CNTNAP3: variants seen among roughly 807,000 people sequenced by gnomAD.
CNTNAP3 encodes the protein contactin-associated protein-like 3.
Under a neutral mutation model 92.1 loss-of-function variants are expected in CNTNAP3, and 36 were observed. That is an observed-to-expected ratio of 0.39 (90% CI 0.30 to 0.52). The LOEUF (loss-of-function observed/expected upper bound fraction) is 0.52, where lower values mean the gene tolerates loss of function less well. CNTNAP3 is among the 20% of genes least tolerant of loss of function. The pLI, the probability that CNTNAP3 is intolerant of heterozygous loss-of-function variation, is 0.76. For synonymous variants in CNTNAP3, 232 were observed against 422.3 expected (o/e 0.55, Z 5.53); for missense variants, 534 against 1,069.6 (o/e 0.50, Z 6.98).
Position 39,069,418 on chromosome 9 carries a change from T to C in CNTNAP3, c.*4472A>G, listed in dbSNP as rs1278237767. Reference sequence around the variant, plus strand: ...TAAATTTTTAGGTACCATCACAAGCTAGCTAAGTTAGAAATTTTCATATCG... The same window carrying C: ...TAAATTTTTAGGTACCATCACAAGCCAGCTAAGTTAGAAATTTTCATATCG... On this transcript the variant is annotated 3_prime_UTR_variant, in exon 24 of 24. Coordinates refer to ENST00000297668, the MANE Select transcript of CNTNAP3 (RefSeq NM_033655.5). 1.3e-5 allele frequency among the ~76,000 whole-genome samples: 2 copies of C among 152,312 alleles called. No individual in the cohort carries two copies. The highest frequency in any genetic ancestry group is 2.4e-5 in the African/African-American group (1 of 41,488).
intron 13 of CNTNAP3, among the ~76,000 whole-genome samples, chr9:39,121,628 A>G (rs1344246948): frequency 6.6e-6 from 1 of 152,150 alleles, no homozygotes; most frequent in Non-Finnish European, 1.5e-5. Context: ...GTAACTGACT[A>G]ATTGATGGAT....
At chr9:39,076,984 C>T (rs1442008585) in intron 23 of CNTNAP3, among the ~76,000 whole-genome samples, 1 of 152,302 alleles carries the variant, frequency 6.6e-6, no homozygotes, top group Non-Finnish European at 1.5e-5. Flanking sequence ...ATAATTCACT[C>T]ATTAATTAAC....
At chr9:39,081,765 C>A (rs925341023) in intron 21 of CNTNAP3, among the ~76,000 whole-genome samples, 3 of 151,798 alleles carry the variant, frequency 2.0e-5, no homozygotes, top group Non-Finnish European at 4.4e-5. Flanking sequence ...ACGGTAGACA[C>A]TAGCCACATG....
chr9:39,134,615 C>T (rs1328108433), intron 12 of CNTNAP3, among the ~76,000 whole-genome samples: 20 of 152,036 alleles, frequency 1.3e-4, no homozygotes, highest in East Asian at 1.2e-3. Context: ...TTAGTAGAGA[C>T]GGGGGTTTCA....
rs1825561864 is a variant in CNTNAP3, at chr9:39,068,502, T to C, written c.*5388A>G. Among the ~76,000 whole-genome samples the C allele has an allele frequency of 6.6e-6, 1 of 152,306 alleles. No homozygotes were observed. The highest frequency in any genetic ancestry group is 1.5e-5 in the Non-Finnish European group (1 of 68,052). ...AGAAAAGATGTTTAAAAAGATTCCT[T>C]GAGGTCAATAATAATTTTTTAAAGG... On this transcript the variant is annotated 3_prime_UTR_variant, in exon 24 of 24. Transcript: ENST00000297668.
chr9:39,085,775 A>G lies in CNTNAP3; in HGVS notation c.3403T>C (p.Phe1135Leu), dbSNP rs749820526. The change falls in exon 21 of 24, where the codon TTC (phenylalanine) becomes CTC (leucine). Residue 1135 changes from phenylalanine (F) to leucine (L), a missense_variant. Coordinates refer to ENST00000297668, the MANE Select transcript of CNTNAP3 (RefSeq NM_033655.5). Reference sequence around the variant, plus strand: ...AATATGAGAGATTTGACGGCGTTGAATTCTGTCCCTGAGGACAAGATGACT... The same window carrying G: ...AATATGAGAGATTTGACGGCGTTGAGTTCTGTCCCTGAGGACAAGATGACT... ...KQVILSSGTE[F>L]NAVKSLILGK... is the part of the protein sequence containing the mutation. 1.5e-5 allele frequency: 23 copies of G among 1,570,212 alleles called. No individual in the cohort carries two copies. In the South Asian group the frequency reaches 2.6e-4, roughly 18 times the overall value.
intron 13 of CNTNAP3, among the ~76,000 whole-genome samples, chr9:39,129,268 T>C (rs1016163678): frequency 3.3e-5 from 5 of 152,220 alleles, no homozygotes; most frequent in African/African-American, 1.2e-4. Flanking sequence ...CAGTGTGATA[T>C]TGGTGGAGGC....
At chr9:39,120,539 G>A (rs1346668498) in intron 13 of CNTNAP3, among the ~76,000 whole-genome samples, 2 of 151,952 alleles carry the variant, frequency 1.3e-5, no homozygotes, top group African/African-American at 4.8e-5. Context: ...GCGTAGTGGC[G>A]GGAGCCTGTA....
intron 18 of CNTNAP3, among the ~76,000 whole-genome samples, chr9:39,095,723 T>C (rs1826310352): frequency 7.0e-6 from 1 of 143,400 alleles, no homozygotes; most frequent in Non-Finnish European, 1.5e-5. Context: ...CACGACAATG[T>C]TTTATTTTCT....
At chr9:39,077,797 A>G (rs1296706184) in intron 23 of CNTNAP3, among the ~76,000 whole-genome samples, 2 of 152,200 alleles carry the variant, frequency 1.3e-5, no homozygotes, top group Non-Finnish European at 2.9e-5. Context: ...CTATTTTCAA[A>G]TTAATAACTT....
intron 23 of CNTNAP3, among the ~76,000 whole-genome samples, chr9:39,076,721 C>A (rs1305653523): frequency 9.8e-5 from 15 of 152,356 alleles, no homozygotes; most frequent in African/African-American, 2.4e-4. Flanking sequence ...GTAATCCTAG[C>A]ACTTTGGGAG....
At chr9:39,089,480 G>A (rs1826141690) in intron 18 of CNTNAP3, among the ~76,000 whole-genome samples, 1 of 152,106 alleles carries the variant, frequency 6.6e-6, no homozygotes, top group Admixed American at 6.5e-5. Flanking sequence ...AGACATTTGG[G>A]TTGTTTCTAC....
rs201715912 is a variant in CNTNAP3, at chr9:39,127,474, T to C, written c.2080+5458A>G. On this transcript the variant is annotated intron_variant, in intron 13 of 23. Coordinates refer to ENST00000297668, the MANE Select transcript of CNTNAP3 (RefSeq NM_033655.5). The stretch of plus-strand genomic sequence containing the variant: ...GAAACAAAAATAATAGAGAAAATCA[T>C]GAATCGAAAATCTAGTTCTAAAAAA... Among the ~76,000 whole-genome samples, 572 of 152,210 alleles carry C rather than the reference T, an allele frequency of 3.8e-3. 3 individuals carry two copies. Among genetic ancestry groups the C allele is most frequent in the African/African-American group, 0.013 (548 of 41,518 alleles).
intron 15 of CNTNAP3, chr9:39,106,566 C>T (rs1826610751): frequency 6.6e-6 from 1 of 152,132 alleles, no homozygotes; most frequent in East Asian, 1.9e-4. Context: ...GGGAATATTT[C>T]AAATATCACA....
intron 11 of CNTNAP3, among the ~76,000 whole-genome samples, chr9:39,142,267 T>C (rs1019050630): frequency 1.5e-4 from 23 of 152,190 alleles, no homozygotes; most frequent in African/African-American, 4.8e-4. Context: ...TAAGATACTA[T>C]GCCTGGAGGA....
At chr9:39,159,408 TA>T (rs1302794559) in intron 9 of CNTNAP3, 6 of 134,236 alleles carry the variant, frequency 4.5e-5, no homozygotes, top group African/African-American at 1.4e-4. Context: ...TATATATATA[TA>T]TATTTTTTTT....
intron 4 of CNTNAP3, among the ~76,000 whole-genome samples, chr9:39,179,341 A>ACACACT (rs1822407717): frequency 3.3e-5 from 3 of 91,192 alleles, no homozygotes; most frequent in Non-Finnish European, 6.4e-5. Context: ...ACACACACAC[A>ACACACT]GGCACACAGA....
intron 10 of CNTNAP3, among the ~76,000 whole-genome samples, chr9:39,146,684 G>T (rs185181800): frequency 2.0e-5 from 3 of 151,362 alleles, no homozygotes; most frequent in Admixed American, 2.0e-4. Context: ...GCGAGACTCC[G>T]TCTCAAAAAA....
At chr9:39,076,854 G>C (rs1041927272) in intron 23 of CNTNAP3, among the ~76,000 whole-genome samples, 1 of 152,292 alleles carries the variant, frequency 6.6e-6, no homozygotes, top group African/African-American at 2.4e-5. Context: ...TGTATCCCCA[G>C]CTACTTGGGC....
Sources: allele counts gnomAD v4.1 joint callset (sites outside exome capture counted in the v4.1 genomes callset), GRCh38; gene constraint gnomAD v4.1.1; transcripts MANE v1.5; gene names NCBI Gene and HGNC (gene_info 2026-07-23, HGNC 2026-07-21).